Variants in NIPSNAP2 observed in about 807,000 individuals in gnomAD.
NIPSNAP2 encodes the protein nipsnap homolog 2.
NIPSNAP2 carries 42 observed loss-of-function variants against 48.4 expected under a neutral mutation model. That is an observed-to-expected ratio of 0.87 (90% CI 0.68 to 1.12). The LOEUF is 1.12. Ranked by LOEUF, NIPSNAP2 falls within the 50% of genes most tolerant of loss-of-function variation. NIPSNAP2 has a pLI of 0.00. For synonymous variants in NIPSNAP2, 158 were observed against 126.6 expected (o/e 1.25, Z -1.67); for missense variants, 314 against 347.3 (o/e 0.90, Z 0.76).
chr7:55,998,925 T>C (rs1787624333), intron 9 of NIPSNAP2, 83 bp from the exon 10 acceptor site: 1 of 1,141,956 alleles, frequency 8.8e-7, no homozygotes, highest in African/African-American at 1.5e-5. Flanking sequence ...TCTGTGAACA[T>C]TCTCGGCAAT....
chr7:55,987,737 G>A (rs1025377705), intron 7 of NIPSNAP2, among the ~76,000 whole-genome samples: 6 of 152,210 alleles, frequency 3.9e-5, no homozygotes, highest in African/African-American at 1.4e-4. Context: ...TTCTCCTTAT[G>A]TGAAGTATCC....
chr7:55,966,155 G>C (rs572135260), intron 1 of NIPSNAP2, among the ~76,000 whole-genome samples: 2 of 152,182 alleles, frequency 1.3e-5, no homozygotes, highest in Non-Finnish European at 2.9e-5. Flanking sequence ...AAGGCTGTGT[G>C]CTATTCAAGT....
At chr7:55,974,827 A>C (rs888771382) in intron 1 of NIPSNAP2, among the ~76,000 whole-genome samples, 17 of 150,344 alleles carry the variant, frequency 1.1e-4, no homozygotes, top group Admixed American at 1.1e-3. Context: ...CAGCCTGGGC[A>C]ACAGAGCGCG....
In NIPSNAP2 at chr7:55,999,293, C is replaced by A; in HGVS notation, c.*221C>A. 1.8e-6 allele frequency: 1 copy of A among 556,902 alleles called. No homozygotes were observed. The highest frequency in any genetic ancestry group is 3.1e-5 in the East Asian group (1 of 32,294). 34.5% of individuals were successfully genotyped at this position (556,902 alleles called of 1,614,324 possible). ...TGCCTTGTCGTCCTCTTTGAAACAC[C>A]CCGTGTTGTCCAGTATACCTTATAA... On this transcript the variant is annotated 3_prime_UTR_variant, in exon 10 of 10. Transcript: ENST00000322090.
chr7:55,966,548 C>T (rs1447092308), intron 1 of NIPSNAP2, among the ~76,000 whole-genome samples: 2 of 152,004 alleles, frequency 1.3e-5, no homozygotes, highest in African/African-American at 4.8e-5. Context: ...TTTGGGAGGC[C>T]GAGCTGGGCT....
chr7:55,974,144 G>T (rs891764026), intron 1 of NIPSNAP2, among the ~76,000 whole-genome samples: 1 of 151,982 alleles, frequency 6.6e-6, no homozygotes, highest in Non-Finnish European at 1.5e-5. Flanking sequence ...AGAATTGCTG[G>T]AACCTGGGAG....
At chr7:55,969,422 C>T (rs987795206) in intron 1 of NIPSNAP2, among the ~76,000 whole-genome samples, 21 of 152,212 alleles carry the variant, frequency 1.4e-4, no homozygotes, top group Non-Finnish European at 1.6e-4. Context: ...AATCTCCCTT[C>T]CATGGGTATC....
chr7:55,986,488 CCT>C (rs1787331663), intron 7 of NIPSNAP2, among the ~76,000 whole-genome samples: 1 of 151,918 alleles, frequency 6.6e-6, no homozygotes, highest in Non-Finnish European at 1.5e-5. Flanking sequence ...TTGGTGAAAC[CCT>C]GTCTCTACTA....
rs549191454 is a variant in NIPSNAP2 at position 55,983,613 on chromosome 7, A to T, written c.445-115A>T. 1.7e-5 allele frequency: 17 copies of T among 1,008,914 alleles called. 1 individual carries two copies. In the South Asian group the frequency reaches 2.7e-4, roughly 16 times the overall value. 62.5% of individuals were successfully genotyped at this position (1,008,914 alleles called of 1,614,324 possible). ...ATGTAAACTGGGACTGTCTCAGGCCAACTGGGACCTGTTGATTACCCTATT... is the reference window on the plus strand; with the variant it reads ...ATGTAAACTGGGACTGTCTCAGGCCTACTGGGACCTGTTGATTACCCTATT... On this transcript the variant is annotated intron_variant, in intron 5 of 9. Coordinates refer to ENST00000322090, the MANE Select transcript of NIPSNAP2 (RefSeq NM_001483.3).
chr7:55,989,823 C>T (rs1787407632), intron 7 of NIPSNAP2, among the ~76,000 whole-genome samples: 2 of 151,988 alleles, frequency 1.3e-5, no homozygotes, highest in African/African-American at 4.8e-5. Context: ...GCTAAAAATA[C>T]TGCCTGGGCA....
chr7:55,977,467 T>G (rs1407729398), intron 1 of NIPSNAP2, among the ~76,000 whole-genome samples: 2 of 152,218 alleles, frequency 1.3e-5, no homozygotes, highest in Non-Finnish European at 1.5e-5. Context: ...TTCATTTTCC[T>G]TGTATTTTTA....
In NIPSNAP2 at chr7:55,981,568, G is replaced by A. The variant is rs1349010389; in HGVS notation, c.373+1G>A. On this transcript the variant is annotated splice_donor_variant, in intron 4 of 9. Coordinates refer to ENST00000322090, the MANE Select transcript of NIPSNAP2 (RefSeq NM_001483.3). LOFTEE classifies it high-confidence loss of function. ...TGGTATGGCGAGCAGGACCAAGCTG[G>A]TAGGAAGCGAAGTCTTTGGAATAAA... 14 of 1,609,682 alleles carry A rather than the reference G, an allele frequency of 8.7e-6. No individual in the cohort carries two copies. The highest frequency in any genetic ancestry group is 1.1e-5 in the Non-Finnish European group (13 of 1,176,546).
chr7:55,983,787 C>T lies in NIPSNAP2; in HGVS notation c.504C>T (p.Leu168=), dbSNP rs141886054. The T allele has an allele frequency of 2.5e-6, 4 of 1,614,010 alleles. No individual in the cohort carries two copies. The highest frequency in any genetic ancestry group is 3.4e-6 in the Non-Finnish European group (4 of 1,179,940). The part of the protein sequence containing the change: ...SDMLLSRKNQ[L]LLEFSFWNEP... ...TGCTTCTCTCCAGGAAGAATCAGCT[C>T]CTGTTGGAGTTCAGTTTCTGGAATG... The change falls in exon 6 of 10, where the codon CTC becomes CTT. Residue 168 remains leucine, a synonymous_variant. Transcript: ENST00000322090.
rs1393066745 is a variant in NIPSNAP2 at position 55,966,044 on chromosome 7, A to G, written c.92+1343A>G. On this transcript the variant is annotated intron_variant, in intron 1 of 9. Coordinates refer to ENST00000322090, the MANE Select transcript of NIPSNAP2 (RefSeq NM_001483.3). ...CAGGCACTGTTGACTGTTGAGAGACATCAGTGAATAAGGCGTCCAAGGCCA... is the reference window on the plus strand; with the variant it reads ...CAGGCACTGTTGACTGTTGAGAGACGTCAGTGAATAAGGCGTCCAAGGCCA... Among the ~76,000 whole-genome samples, 18 of 152,330 alleles carry G rather than the reference A, an allele frequency of 1.2e-4. No homozygotes were observed. The East Asian group carries it at 3.3e-3, about 28-fold the overall frequency.
chr7:55,991,755 A>AC, intron 7 of NIPSNAP2: 1 of 145,322 alleles, frequency 6.9e-6, no homozygotes, highest in Non-Finnish European at 1.4e-5. Context: ...TCTCAAAAAA[A>AC]AAAAAAAAAA....
chr7:55,987,342 T>G (rs1787351487), intron 7 of NIPSNAP2, among the ~76,000 whole-genome samples: 1 of 151,038 alleles, frequency 6.6e-6, no homozygotes, highest in South Asian at 2.1e-4. Flanking sequence ...ATAAAGAAAT[T>G]GTGGGCTGGG....
chr7:55,986,904 T>C (rs994249498), intron 7 of NIPSNAP2, among the ~76,000 whole-genome samples: 1 of 146,554 alleles, frequency 6.8e-6, no homozygotes, highest in Non-Finnish European at 1.5e-5. Flanking sequence ...CCTAGCACTT[T>C]GGGAGGCCAA....
At chr7:55,969,829 A>C (rs1385435248) in intron 1 of NIPSNAP2, among the ~76,000 whole-genome samples, 1 of 151,864 alleles carries the variant, frequency 6.6e-6, no homozygotes, top group East Asian at 1.9e-4. Context: ...TAAAAATACA[A>C]AAAATTAGCC....
intron 7 of NIPSNAP2, among the ~76,000 whole-genome samples, chr7:55,992,335 A>T (rs1436366650): frequency 6.6e-6 from 1 of 152,094 alleles, no homozygotes; most frequent in Non-Finnish European, 1.5e-5. Context: ...AATAAAAAAT[A>T]AAAAATTGGC....
Sources: allele counts gnomAD v4.1 joint callset (sites outside exome capture counted in the v4.1 genomes callset), GRCh38; gene constraint gnomAD v4.1.1; transcripts MANE v1.5; gene names NCBI Gene and HGNC (gene_info 2026-07-23, HGNC 2026-07-21).